The following EVI5 variants were observed in gnomAD, a reference collection of about 807,000 sequenced individuals.
EVI5 encodes the protein ecotropic viral integration site 5 protein homolog.
EVI5 carries 73 observed loss-of-function variants against 112.0 expected under a neutral mutation model. That is an observed-to-expected ratio of 0.65 (90% CI 0.54 to 0.79). EVI5 has a LOEUF of 0.79. EVI5 is among the 30% of genes least tolerant of loss of function. The pLI, the probability that EVI5 is intolerant of heterozygous loss-of-function variation, is 0.00. For missense variants in EVI5, 900 were observed against 968.8 expected (o/e 0.93, Z 0.94); for synonymous variants, 305 against 319.9 (o/e 0.95, Z 0.50).
intron 18 of EVI5, among the ~76,000 whole-genome samples, chr1:92,590,570 T>G (rs536900310): frequency 2.5e-4 from 38 of 151,584 alleles, no homozygotes; most frequent in African/African-American, 8.2e-4. Flanking sequence ...AGAGAAAAAA[T>G]AATAAAAAGA....
At chr1:92,698,360 A>C (rs1223080516) in intron 5 of EVI5, among the ~76,000 whole-genome samples, 2 of 152,206 alleles carry the variant, frequency 1.3e-5, no homozygotes, top group Admixed American at 6.5e-5. Flanking sequence ...AAGACATGGA[A>C]TAAATCAACT....
chr1:92,637,540 T>A (rs1659131546), intron 13 of EVI5, among the ~76,000 whole-genome samples: 1 of 152,240 alleles, frequency 6.6e-6, no homozygotes, highest in South Asian at 2.1e-4. Flanking sequence ...GTCGTCATTT[T>A]TAAGCCAGTG....
At chr1:92,786,634 G>A (rs1685659548), upstream of EVI5, among the ~76,000 whole-genome samples, 1 of 152,122 alleles carries the variant, frequency 6.6e-6, no homozygotes, top group Non-Finnish European at 1.5e-5. Flanking sequence ...TCTTCTTGTG[G>A]TTTACCCATA....
intron 13 of EVI5, among the ~76,000 whole-genome samples, chr1:92,655,652 A>G (rs1397011555): frequency 6.6e-6 from 1 of 152,168 alleles, no homozygotes; most frequent in Non-Finnish European, 1.5e-5. Context: ...ACCAACAGAA[A>G]CCAAAAGCAG....
intron 4 of EVI5, 104 bp from the exon 5 acceptor site, chr1:92,702,319 T>C: frequency 3.3e-6 from 2 of 610,360 alleles, no homozygotes; most frequent in South Asian, 3.9e-5. Context: ...ACATTTATTT[T>C]TGAGAAAAGC....
chr1:92,731,903 T>C (rs1676538279), intron 2 of EVI5: 1 of 152,106 alleles, frequency 6.6e-6, no homozygotes, highest in Non-Finnish European at 1.5e-5. Context: ...CTATAAAACG[T>C]TCAGGAAAAA....
rs774336907 is a variant in EVI5, at chr1:92,551,539, T to C, written c.2166+12103A>G. ...AACTGTAGCTCATTTTAGCATCCCA[T>C]ATATCAAGTTGAATGACACATTTGA... On this transcript the variant is annotated intron_variant, in intron 19 of 19. Coordinates refer to ENST00000684568, the MANE Select transcript of EVI5 (RefSeq NM_001350197.2). Among the ~76,000 whole-genome samples the C allele has an allele frequency of 1.6e-3, 246 of 152,334 alleles. 1 individual carries two copies. The highest frequency in any genetic ancestry group is 1.3e-3 in the Non-Finnish European group (91 of 68,034).
intron 2 of EVI5, among the ~76,000 whole-genome samples, chr1:92,720,422 G>A (rs1674536597): frequency 6.6e-6 from 1 of 151,962 alleles, no homozygotes; most frequent in Non-Finnish European, 1.5e-5. Flanking sequence ...ACAAAAAATG[G>A]GGAAAGGATT....
chr1:92,633,849 T>C (rs1265307852), intron 14 of EVI5, among the ~76,000 whole-genome samples: 1 of 152,208 alleles, frequency 6.6e-6, no homozygotes, highest in Non-Finnish European at 1.5e-5. Context: ...TAGTGCTTCC[T>C]TCAGGAGCTC....
At chr1:92,516,785 T>C (rs1048446739) in intron 19 of EVI5, among the ~76,000 whole-genome samples, 1 of 152,022 alleles carries the variant, frequency 6.6e-6, no homozygotes. Flanking sequence ...CTAAATGATA[T>C]ACTGCTTATC....
chr1:92,666,114 C>A (rs1439405491), intron 10 of EVI5, 122 bp from the exon 11 acceptor site: 2 of 606,792 alleles, frequency 3.3e-6, no homozygotes, highest in Non-Finnish European at 5.7e-6. Context: ...GGAATGATTA[C>A]ATTATCAAAT....
At chr1:92,518,912 C>T (rs530219056) in intron 19 of EVI5, among the ~76,000 whole-genome samples, 1 of 152,172 alleles carries the variant, frequency 6.6e-6, no homozygotes, top group Non-Finnish European at 1.5e-5. Context: ...CAGAGCAGTG[C>T]CTTCAAAATT....
In EVI5 at chr1:92,584,988, C is replaced by T. The variant is rs370764116; in HGVS notation, c.2070+20319G>A. On this transcript the variant is annotated intron_variant, in intron 18 of 19. Transcript: ENST00000684568. ...CCCATAATCTCAGCACTTTGGGAGG[C>T]CGAGGTGAGCAGATCACCTGAGGTC... Among the ~76,000 whole-genome samples, 88 of 152,212 alleles carry T rather than the reference C, an allele frequency of 5.8e-4. 1 individual carries two copies. The highest frequency in any genetic ancestry group is 2.0e-3 in the African/African-American group (83 of 41,536).
intron 14 of EVI5, among the ~76,000 whole-genome samples, chr1:92,627,363 T>C (rs902518511): frequency 3.9e-5 from 6 of 152,222 alleles, no homozygotes; most frequent in Admixed American, 3.9e-4. Flanking sequence ...TATGGCTAAG[T>C]AGTATTCCAT....
At chr1:92,566,803 CTTTTTTTTTTT>C (rs57042163) in intron 18 of EVI5, among the ~76,000 whole-genome samples, 1 of 97,880 alleles carries the variant, frequency 1.0e-5, no homozygotes, top group African/African-American at 3.6e-5. Context: ...TGTGTGCCTG[CTTTTTTTTTTT>C]TTTTTTTTTT....
chr1:92,785,688 A>G (rs1685556819), upstream of EVI5, among the ~76,000 whole-genome samples: 1 of 152,248 alleles, frequency 6.6e-6, no homozygotes, highest in Admixed American at 6.5e-5. Flanking sequence ...TTAGAAGGAA[A>G]GTACTTTGTT....
intron 1 of EVI5, among the ~76,000 whole-genome samples, chr1:92,780,401 T>TA (rs1009593284): frequency 2.9e-4 from 44 of 152,056 alleles, no homozygotes; most frequent in African/African-American, 9.9e-4. Flanking sequence ...GCCAAGGGGT[T>TA]AAACAGAAGT....
chr1:92,605,964 G>C (rs1482945427), intron 17 of EVI5, among the ~76,000 whole-genome samples: 4 of 151,976 alleles, frequency 2.6e-5, no homozygotes, highest in Non-Finnish European at 5.9e-5. Flanking sequence ...AACATAACAG[G>C]GTAAAACATA....
intron 19 of EVI5, among the ~76,000 whole-genome samples, chr1:92,550,111 T>C (rs1020255127): frequency 6.6e-6 from 1 of 152,080 alleles, no homozygotes; most frequent in Non-Finnish European, 1.5e-5. Context: ...TGTCCATCAA[T>C]GATAGACTGG....
Sources: gnomAD v4.1 joint callset for allele counts (sites outside exome capture counted in the v4.1 genomes callset) on GRCh38, gnomAD v4.1.1 for gene constraint, MANE v1.5 for transcripts, NCBI Gene and HGNC (gene_info 2026-07-23, HGNC 2026-07-21) for gene names.